FARP1: variants seen among roughly 807,000 people sequenced by gnomAD.
FARP1 encodes the protein FERM, ARHGEF and pleckstrin domain-containing protein 1.
FARP1 carries 52 observed loss-of-function variants against 128.8 expected under a neutral mutation model. The observed-to-expected ratio is 0.40, with a 90% confidence interval of 0.32 to 0.51. The LOEUF is 0.51. Ranked by LOEUF, FARP1 falls within the 20% of genes least tolerant of loss-of-function variation. The probability of loss-of-function intolerance (pLI) is 0.45; values close to 1 mark genes in which losing one functional copy is unlikely to be tolerated. For missense variants in FARP1, 1,333 were observed against 1,367.9 expected, an observed-to-expected ratio of 0.97 and a Z score of 0.40; for synonymous variants, 580 against 551.8, an observed-to-expected ratio of 1.05 and a Z score of -0.72.
At chr13:98,446,897 C>A in intron 26 of FARP1, 80 bp downstream of exon 26, 1 of 1,473,772 alleles carries the variant, frequency 6.8e-7, no homozygotes, top group Non-Finnish European at 9.4e-7. Context: ...CCCAAGTCAG[C>A]GAGTGAGATG....
At chr13:98,292,508 C>T (rs1885494781) in intron 2 of FARP1, among the ~76,000 whole-genome samples, 1 of 152,232 alleles carries the variant, frequency 6.6e-6, no homozygotes, top group African/African-American at 2.4e-5. Flanking sequence ...ACAGTAGTCA[C>T]TTGCCACATG....
At chr13:98,266,836 G>A (rs1189351727) in intron 2 of FARP1, among the ~76,000 whole-genome samples, 53 of 151,890 alleles carry the variant, frequency 3.5e-4, no homozygotes, top group African/African-American at 1.2e-3. Context: ...ACATAAGTGA[G>A]ACCCCATCTC....
At chr13:98,263,257 C>T (rs1883961930) in intron 2 of FARP1, among the ~76,000 whole-genome samples, 1 of 152,148 alleles carries the variant, frequency 6.6e-6, no homozygotes, top group African/African-American at 2.4e-5. Flanking sequence ...ATCTGCCCGG[C>T]TCGGCCTCCC....
At chr13:98,364,530 C>T (rs1409793827) in intron 3 of FARP1, among the ~76,000 whole-genome samples, 11 of 152,130 alleles carry the variant, frequency 7.2e-5, no homozygotes, top group South Asian at 2.1e-4. Flanking sequence ...GGCTGTTTCT[C>T]GTTTTCATAT....
chr13:98,332,091 T>G (rs938244665), intron 2 of FARP1, among the ~76,000 whole-genome samples: 2 of 152,154 alleles, frequency 1.3e-5, no homozygotes, highest in African/African-American at 4.8e-5. Flanking sequence ...GTAACATAAC[T>G]TTACCATTTT....
intron 3 of FARP1, among the ~76,000 whole-genome samples, chr13:98,359,422 C>T (rs1888772937): frequency 6.6e-6 from 1 of 152,138 alleles, no homozygotes; most frequent in Non-Finnish European, 1.5e-5. Context: ...ATGAAATCCA[C>T]CTAAAACATC....
intron 3 of FARP1, among the ~76,000 whole-genome samples, chr13:98,364,255 G>A (rs1394287613): frequency 6.6e-6 from 1 of 152,090 alleles, no homozygotes; most frequent in Non-Finnish European, 1.5e-5. Context: ...CAGAAAAGTT[G>A]TACTAATCCA....
At chr13:98,277,146 A>ACACACACACACACACC (rs1230875597) in intron 2 of FARP1, among the ~76,000 whole-genome samples, 3 of 139,892 alleles carry the variant, frequency 2.1e-5, no homozygotes, top group Non-Finnish European at 4.8e-5. Context: ...ACACACACAC[A>ACACACACACACACACC]CACCCCATAT....
chr13:98,390,663 A>G (rs1890272559), intron 10 of FARP1, 149 bp from the exon 11 acceptor site: 1 of 604,934 alleles, frequency 1.7e-6, no homozygotes, highest in African/African-American at 1.8e-5. Context: ...AGAGTCTGTC[A>G]GGATTGCTTT....
At chr13:98,284,500 A>C (rs1885077001) in intron 2 of FARP1, among the ~76,000 whole-genome samples, 1 of 152,228 alleles carries the variant, frequency 6.6e-6, no homozygotes, top group African/African-American at 2.4e-5. Flanking sequence ...CCAAGAACTA[A>C]GTGGCTAAAC....
Position 98,440,790 on chromosome 13 carries a change from A to G in FARP1, c.2750A>G (p.His917Arg). Reference sequence around the variant, plus strand: ...AACACAATGGTGCACGTGTGCTGGCACCGCAACACCAGCGTCTCCATGGTG... The same window carrying G: ...AACACAATGGTGCACGTGTGCTGGCGCCGCAACACCAGCGTCTCCATGGTG... ...RGNTMVHVCW[H>R]RNTSVSMVDF... Residue 917 changes from histidine (H) to arginine (R), a missense_variant, in exon 24 of 27, where the codon CAC becomes CGC. Physicochemically the swap from His to Arg is conservative, Grantham distance 29. Around this residue, in one of 2 missense-constraint regions of FARP1, gnomAD observed 1,009 missense variants for 969.8 expected, o/e 1.04. Transcript: ENST00000319562. 9 of 1,612,798 alleles carry G rather than the reference A, an allele frequency of 5.6e-6. No homozygotes were observed. The highest frequency in any genetic ancestry group is 7.6e-6 in the Non-Finnish European group (9 of 1,179,836).
chr13:98,246,656 T>G (rs1376553243), intron 2 of FARP1, among the ~76,000 whole-genome samples: 1 of 152,098 alleles, frequency 6.6e-6, no homozygotes, highest in Non-Finnish European at 1.5e-5. Context: ...AAGTTCTTAG[T>G]CCTGGGTACT....
At chr13:98,151,866 T>C (rs1449330048) in intron 1 of FARP1, among the ~76,000 whole-genome samples, 3 of 151,650 alleles carry the variant, frequency 2.0e-5, no homozygotes, top group African/African-American at 7.3e-5. Context: ...TTCATCATGT[T>C]GGCTAGGTTA....
At chr13:98,244,713 A>G (rs1882967630) in intron 2 of FARP1, 1 of 1,610,972 alleles carries the variant, frequency 6.2e-7, no homozygotes, top group Non-Finnish European at 8.5e-7. Flanking sequence ...TTTTTGAGTC[A>G]GGACTTGAAG....
chr13:98,386,316 C>T (rs1197167669), intron 8 of FARP1, among the ~76,000 whole-genome samples: 2 of 151,750 alleles, frequency 1.3e-5, no homozygotes, highest in Admixed American at 6.6e-5. Context: ...TCATAAAAGC[C>T]ACATTCTTGC....
intron 13 of FARP1, chr13:98,397,652 G>A (rs1200321130): frequency 3.9e-5 from 6 of 152,108 alleles, no homozygotes; most frequent in African/African-American, 1.4e-4. Context: ...TTAAAAATTA[G>A]TGATGCCGGG....
In FARP1 at chr13:98,388,294, C is replaced by G. The variant is rs1411430959; in HGVS notation, c.760-89C>G. On this transcript the variant is annotated intron_variant, in intron 8 of 26. Coordinates refer to ENST00000319562, the MANE Select transcript of FARP1 (RefSeq NM_005766.4). ...TACTGAGCAGTCGCCTGCCAGCCCT[C>G]TTCCTTTAGCTCCCATAAGCAAAAC... is the stretch of plus-strand genomic sequence containing the variant. 3.2e-6 allele frequency: 3 copies of G among 930,548 alleles called. No homozygotes were observed. In the African/African-American group the frequency reaches 4.9e-5, roughly 15 times the overall value. 57.6% of individuals were successfully genotyped at this position (930,548 alleles called of 1,614,324 possible). A position where few individuals can be genotyped will look rare whatever the true frequency, so the allele number is the denominator to read the frequency against.
intron 2 of FARP1, among the ~76,000 whole-genome samples, chr13:98,255,500 C>CA (rs1349617295): frequency 0.028 from 3,994 of 143,504 alleles, 174 homozygotes; most frequent in African/African-American, 0.094. Flanking sequence ...GACTTCATCT[C>CA]AAAAAAAAAA....
chr13:98,270,210 C>T (rs1206384563), intron 2 of FARP1, among the ~76,000 whole-genome samples: 1 of 152,188 alleles, frequency 6.6e-6, no homozygotes, highest in Non-Finnish European at 1.5e-5. Flanking sequence ...CTTTCTTGCA[C>T]ATTTGACCAT....
Sources: gnomAD v4.1 joint callset for allele counts (sites outside exome capture counted in the v4.1 genomes callset) on GRCh38, gnomAD v4.1.1 for gene constraint, gnomAD v4.1.1 regional missense constraint, MANE v1.5 for transcripts, NCBI Gene and HGNC (gene_info 2026-07-23, HGNC 2026-07-21) for gene names.